CTNNA3: variants seen among roughly 807,000 people sequenced by gnomAD.
CTNNA3 encodes the protein catenin alpha-3.
A neutral mutation model predicts 95.7 loss-of-function variants in CTNNA3; 76 were observed. The observed-to-expected ratio is 0.79, with a 90% confidence interval of 0.66 to 0.96. CTNNA3 has a LOEUF of 0.96. Ranked by LOEUF, CTNNA3 falls within the 40% of genes least tolerant of loss-of-function variation. The pLI, the probability that CTNNA3 is intolerant of heterozygous loss-of-function variation, is 0.00. For missense variants in CTNNA3, 1,191 were observed against 1,089.8 expected, an observed-to-expected ratio of 1.09 and a Z score of -1.31; for synonymous variants, 431 against 374.4, an observed-to-expected ratio of 1.15 and a Z score of -1.74.
intron 13 of CTNNA3, among the ~76,000 whole-genome samples, chr10:66,263,167 T>A (rs879767190): frequency 6.6e-6 from 1 of 151,842 alleles, no homozygotes; most frequent in Non-Finnish European, 1.5e-5. Flanking sequence ...TCATTGGGGG[T>A]AACAGAACAC....
At chr10:67,327,424 A>G (rs1841583552) in intron 5 of CTNNA3, among the ~76,000 whole-genome samples, 1 of 152,062 alleles carries the variant, frequency 6.6e-6, no homozygotes, top group South Asian at 2.1e-4. Flanking sequence ...CTATTTGATG[A>G]CCTTGAAGTT....
At chr10:66,178,680 T>G (rs2085872977) in intron 13 of CTNNA3, among the ~76,000 whole-genome samples, 1 of 151,458 alleles carries the variant, frequency 6.6e-6, no homozygotes, top group South Asian at 2.1e-4. Flanking sequence ...AACAAAGGAC[T>G]AGTATCAAGA....
At chr10:67,591,760 A>G (rs1186024861) in intron 3 of CTNNA3, among the ~76,000 whole-genome samples, 1 of 152,148 alleles carries the variant, frequency 6.6e-6, no homozygotes, top group Non-Finnish European at 1.5e-5. Context: ...AAGAAAAGGG[A>G]TATCTGAAGA....
At chr10:66,656,643 C>T (rs377023590) in intron 9 of CTNNA3, among the ~76,000 whole-genome samples, 16 of 151,974 alleles carry the variant, frequency 1.1e-4, no homozygotes, top group African/African-American at 3.9e-4. Flanking sequence ...ATTTTCTCCC[C>T]AGAGTAAGCA....
At chr10:67,562,977 A>G (rs929105510) in intron 3 of CTNNA3, among the ~76,000 whole-genome samples, 3 of 152,130 alleles carry the variant, frequency 2.0e-5, no homozygotes, top group Non-Finnish European at 2.9e-5. Context: ...CTACTGCTCA[A>G]TGAAATAAAA....
chr10:66,417,434 A>G (rs1041988455), intron 11 of CTNNA3, among the ~76,000 whole-genome samples: 8 of 152,036 alleles, frequency 5.3e-5, no homozygotes, highest in African/African-American at 1.7e-4. Context: ...ACTGTGGGGG[A>G]ATTTACCACC....
At chr10:66,468,057 T>G (rs1838990866) in intron 11 of CTNNA3, among the ~76,000 whole-genome samples, 1 of 152,028 alleles carries the variant, frequency 6.6e-6, no homozygotes, top group African/African-American at 2.4e-5. Context: ...TTACTAAACG[T>G]ATAACTATTA....
Position 66,844,278 on chromosome 10 carries a change from C to G in CTNNA3, c.1048-68754G>C, listed in dbSNP as rs971461451. ...TAATATTCATTAGGCAGTTCAATTA[C>G]AGGGTATGTTCTATTCCTTGGTTAT... On this transcript the variant is annotated intron_variant, in intron 7 of 17. Transcript: ENST00000433211. Among the ~76,000 whole-genome samples, 5 of 152,156 alleles carry G rather than the reference C, an allele frequency of 3.3e-5. No homozygotes were observed. The East Asian group carries it at 9.6e-4, about 29-fold the overall frequency.
At chr10:66,129,901 G>T (rs973025445) in intron 13 of CTNNA3, among the ~76,000 whole-genome samples, 2 of 151,950 alleles carry the variant, frequency 1.3e-5, no homozygotes, top group Non-Finnish European at 2.9e-5. Context: ...TTACTTCCCC[G>T]ACAGTGCACA....
chr10:67,402,340 A>T (rs1216643420), intron 5 of CTNNA3, among the ~76,000 whole-genome samples: 1 of 152,226 alleles, frequency 6.6e-6, no homozygotes, highest in African/African-American at 2.4e-5. Flanking sequence ...CTGAGGAAAG[A>T]ATCTGAGAGC....
intron 14 of CTNNA3, among the ~76,000 whole-genome samples, chr10:66,080,238 T>C (rs1197294920): frequency 1.3e-5 from 2 of 152,168 alleles, no homozygotes; most frequent in Non-Finnish European, 2.9e-5. Flanking sequence ...ACTGCATTCA[T>C]TTGAGAGTGA....
rs2077068254 is a variant in CTNNA3 at position 65,920,560 on chromosome 10, G to C, written c.2458C>G (p.Gln820Glu). ...AAKNLMNAVV[Q>E]TVKMSYIAST... ...GCAATGTAAGACATTTTCACTGTTT[G>C]CACTACAGCATTCATTAAATTTTTG... is the stretch of plus-strand genomic sequence containing the variant. The change falls in exon 18 of 18, where the codon CAA (glutamine) becomes GAA (glutamate). Residue 820 changes from glutamine (Q) to glutamate (E), a missense_variant. Gln to Glu is a conservative substitution (Grantham distance 29). Transcript: ENST00000433211. The C allele has an allele frequency of 2.5e-6, 4 of 1,613,994 alleles. No homozygotes were observed. Among genetic ancestry groups the C allele is most frequent in the Non-Finnish European group, 3.4e-6 (4 of 1,180,002 alleles).
At chr10:66,569,999 C>G (rs1842820449) in intron 10 of CTNNA3, among the ~76,000 whole-genome samples, 1 of 152,130 alleles carries the variant, frequency 6.6e-6, no homozygotes, top group African/African-American at 2.4e-5. Flanking sequence ...ACCTCTGAGC[C>G]ACACACCTTT....
At chr10:66,091,357 T>C (rs1021313579) in intron 14 of CTNNA3, among the ~76,000 whole-genome samples, 3 of 151,936 alleles carry the variant, frequency 2.0e-5, no homozygotes, top group African/African-American at 4.8e-5. Flanking sequence ...TACATTATAA[T>C]TGGTTGGATT....
At chr10:67,524,506 A>T (rs2133166352) in intron 4 of CTNNA3, among the ~76,000 whole-genome samples, 1 of 152,258 alleles carries the variant, frequency 6.6e-6, no homozygotes, top group South Asian at 2.1e-4. Flanking sequence ...ATCCAGTAAC[A>T]ATACATGATC....
At chr10:66,246,220 C>T (rs976217420) in intron 13 of CTNNA3, among the ~76,000 whole-genome samples, 2 of 152,208 alleles carry the variant, frequency 1.3e-5, no homozygotes, top group African/African-American at 4.8e-5. Context: ...GGAGCAGGCA[C>T]TTCTGATCCT....
intron 6 of CTNNA3, among the ~76,000 whole-genome samples, chr10:67,190,151 A>G (rs935489675): frequency 6.6e-6 from 1 of 152,164 alleles, no homozygotes; most frequent in African/African-American, 2.4e-5. Context: ...TGGCCTCTAG[A>G]AACAGAAATA....
intron 10 of CTNNA3, among the ~76,000 whole-genome samples, chr10:66,541,040 T>C (rs1841832700): frequency 6.6e-6 from 1 of 152,064 alleles, no homozygotes; most frequent in Non-Finnish European, 1.5e-5. Flanking sequence ...GCTTTGAGTT[T>C]TTTTCTCTCA....
chr10:66,134,150 A>C (rs1451619936), intron 13 of CTNNA3, among the ~76,000 whole-genome samples: 2 of 152,176 alleles, frequency 1.3e-5, no homozygotes, highest in South Asian at 4.1e-4. Context: ...AAATGTATAA[A>C]AAACTCATAA....
Sources: gnomAD v4.1 joint callset for allele counts (sites outside exome capture counted in the v4.1 genomes callset) on GRCh38, gnomAD v4.1.1 for gene constraint, MANE v1.5 for transcripts, NCBI Gene and HGNC (gene_info 2026-07-23, HGNC 2026-07-21) for gene names.